The following PTPRG variants were observed in gnomAD, a reference collection of about 807,000 sequenced individuals.
The protein encoded by PTPRG is receptor-type tyrosine-protein phosphatase gamma.
In PTPRG, 102 loss-of-function variants were observed where a neutral mutation model predicts 165.3. That is an observed-to-expected ratio of 0.62 (90% CI 0.53 to 0.73). The LOEUF (loss-of-function observed/expected upper bound fraction) is 0.73, where lower values mean the gene tolerates loss of function less well. Among genes scored for constraint, PTPRG ranks in the 30% least tolerant of loss-of-function variants. PTPRG has a pLI of 0.00. For synonymous variants in PTPRG, 675 were observed against 669.5 expected (o/e 1.01, Z -0.13); for missense variants, 1,866 against 1,861.4 (o/e 1.00, Z -0.05).
chr3:61,837,268 G>C lies in PTPRG; in HGVS notation c.190+88286G>C, dbSNP rs187038819. Among the ~76,000 whole-genome samples, 565 of 152,210 alleles carry C rather than the reference G, an allele frequency of 3.7e-3. 8 individuals are homozygous for C. Among genetic ancestry groups the C allele is most frequent in the African/African-American group, 0.012 (516 of 41,536 alleles). On this transcript the variant is annotated intron_variant, in intron 2 of 29. Coordinates refer to ENST00000474889, the MANE Select transcript of PTPRG (RefSeq NM_002841.4). The stretch of plus-strand genomic sequence containing the variant: ...TTGCCATGTTGGCCAGGCTGGTCTC[G>C]AACTCCTGACCTCAAGTGATCTGCC...
At chr3:61,970,460 A>T (rs1170445896) in intron 2 of PTPRG, among the ~76,000 whole-genome samples, 1 of 152,246 alleles carries the variant, frequency 6.6e-6, no homozygotes, top group Non-Finnish European at 1.5e-5. Flanking sequence ...GTAGAAGCTA[A>T]TTTAATAGCT....
At chr3:61,761,694 G>T (rs1348764962) in intron 2 of PTPRG, among the ~76,000 whole-genome samples, 3 of 152,202 alleles carry the variant, frequency 2.0e-5, no homozygotes, top group Admixed American at 6.5e-5. Context: ...GATCTTGAGA[G>T]TTTCCTTGGA....
chr3:62,068,661 G>T (rs9826508), intron 4 of PTPRG, among the ~76,000 whole-genome samples: 105,377 of 151,792 alleles, frequency 0.69, 37,931 homozygotes, highest in Non-Finnish European at 0.79. Context: ...TTTTGTTTTG[G>T]TTTGGTTTGG....
chr3:62,158,781 AT>A (rs941557747), intron 7 of PTPRG, among the ~76,000 whole-genome samples: 3 of 151,672 alleles, frequency 2.0e-5, no homozygotes, highest in South Asian at 2.1e-4. Flanking sequence ...TTACTTTCAG[AT>A]TTTTTTTTCC....
At chr3:62,250,215 G>T (rs1240847791) in intron 15 of PTPRG, among the ~76,000 whole-genome samples, 1 of 152,210 alleles carries the variant, frequency 6.6e-6, no homozygotes, top group African/African-American at 2.4e-5. Flanking sequence ...AGTACTGTTA[G>T]TTATTCCCAT....
intron 5 of PTPRG, among the ~76,000 whole-genome samples, chr3:62,081,626 T>A (rs776809803): frequency 7.0e-4 from 106 of 152,314 alleles, no homozygotes; most frequent in Middle Eastern, 3.4e-3. Context: ...ATTATAGGCG[T>A]CAGCCACTGC....
At chr3:61,902,530 CTG>C (rs1380581865) in intron 2 of PTPRG, among the ~76,000 whole-genome samples, 2 of 152,172 alleles carry the variant, frequency 1.3e-5, no homozygotes, top group East Asian at 3.9e-4. Context: ...ACCAATTAAA[CTG>C]TGCTATATTG....
intron 8 of PTPRG, among the ~76,000 whole-genome samples, chr3:62,171,131 T>C (rs553210324): frequency 1.1e-4 from 17 of 152,354 alleles, no homozygotes; most frequent in African/African-American, 4.1e-4. Flanking sequence ...CTAAAGCCCA[T>C]TGTGTGATTA....
intron 4 of PTPRG, among the ~76,000 whole-genome samples, chr3:62,040,260 A>ATATCAGTTT (rs1208613783): frequency 1.3e-5 from 2 of 152,218 alleles, no homozygotes; most frequent in African/African-American, 4.8e-5. Context: ...TTCTGCCCAA[A>ATATCAGTTT]TATCAGTTTT....
intron 1 of PTPRG, among the ~76,000 whole-genome samples, chr3:61,636,396 C>T (rs780898290): frequency 6.6e-6 from 1 of 152,212 alleles, no homozygotes; most frequent in African/African-American, 2.4e-5. Context: ...CTATTCTGGA[C>T]ATTTCATTTA....
chr3:62,015,401 G>A (rs541812446), intron 4 of PTPRG, among the ~76,000 whole-genome samples: 5 of 152,224 alleles, frequency 3.3e-5, no homozygotes, highest in Non-Finnish European at 5.9e-5. Context: ...GGGAAGCTCT[G>A]TGGCTTTTAC....
Position 61,989,809 on chromosome 3 carries a change from A to T in PTPRG, c.370+5A>T. 4 of 1,613,664 alleles carry T rather than the reference A, an allele frequency of 2.5e-6. No homozygotes were observed. Among genetic ancestry groups the T allele is most frequent in the Non-Finnish European group, 3.4e-6 (4 of 1,179,776 alleles). ...TGAAAAACACAGGGAAAACAGGTAG[A>T]CAATGGCTTCTTTATTTGTCCACAG... On this transcript the variant is annotated splice_donor_5th_base_variant and intron_variant, in intron 3 of 29. Coordinates refer to ENST00000474889, the MANE Select transcript of PTPRG (RefSeq NM_002841.4).
intron 3 of PTPRG, among the ~76,000 whole-genome samples, chr3:62,001,302 C>CT (rs2041166975): frequency 6.6e-6 from 1 of 152,146 alleles, no homozygotes; most frequent in African/African-American, 2.4e-5. Flanking sequence ...CCTAATTATG[C>CT]TTTTAATTAT....
intron 5 of PTPRG, among the ~76,000 whole-genome samples, chr3:62,128,705 T>G (rs529138873): frequency 1.2e-3 from 175 of 149,692 alleles, no homozygotes; most frequent in African/African-American, 4.0e-3. Context: ...ATTCCATATT[T>G]TCCCCATCCC....
At chr3:62,037,555 G>C (rs562280608) in intron 4 of PTPRG, among the ~76,000 whole-genome samples, 1 of 152,314 alleles carries the variant, frequency 6.6e-6, no homozygotes, top group South Asian at 2.1e-4. Flanking sequence ...TTCTGGTCCA[G>C]ATGTTCAGGT....
At position 62,092,534 on chromosome 3, in the gene PTPRG, C is replaced by T. The variant is rs570317930; in HGVS notation, c.615+14276C>T. 4.0e-5 allele frequency among the ~76,000 whole-genome samples: 6 copies of T among 150,432 alleles called. No individual in the cohort carries two copies. The East Asian group carries it at 9.8e-4, about 25-fold the overall frequency. On this transcript the variant is annotated intron_variant, in intron 5 of 29. Coordinates refer to ENST00000474889, the MANE Select transcript of PTPRG (RefSeq NM_002841.4). ...ATCACAGAGAGATAATGAATGAAGA[C>T]ATTCCTTGTGAGTCAGCTTGGTGAA...
At chr3:61,893,985 G>A (rs1195251533) in intron 2 of PTPRG, among the ~76,000 whole-genome samples, 1 of 152,042 alleles carries the variant, frequency 6.6e-6, no homozygotes, top group African/African-American at 2.4e-5. Context: ...TGGTGGGGGT[G>A]TTATTTGCAG....
intron 2 of PTPRG, among the ~76,000 whole-genome samples, chr3:61,980,740 A>G (rs1274304641): frequency 6.6e-6 from 1 of 152,200 alleles, no homozygotes. Flanking sequence ...ATAAAATTTA[A>G]ATTCAGACAT....
At chr3:62,029,329 A>G (rs1204290422) in intron 4 of PTPRG, among the ~76,000 whole-genome samples, 3 of 152,166 alleles carry the variant, frequency 2.0e-5, no homozygotes, top group Admixed American at 1.3e-4. Context: ...TACATTTCTC[A>G]CTGTCACAAG....
Sources: allele counts gnomAD v4.1 joint callset (sites outside exome capture counted in the v4.1 genomes callset), GRCh38; gene constraint gnomAD v4.1.1; transcripts MANE v1.5; gene names NCBI Gene and HGNC (gene_info 2026-07-23, HGNC 2026-07-21).